Variants in GAREM2 observed in about 807,000 individuals in gnomAD.
The protein encoded by GAREM2 is GRB2 associated regulator of MAPK1 subtype 2, also known as GRB2-associated and regulator of MAPK protein 2.
In GAREM2, 30 loss-of-function variants were observed where a neutral mutation model predicts 55.6. That is an observed-to-expected ratio of 0.54 (90% CI 0.40 to 0.73). The LOEUF is 0.73. Among genes scored for constraint, GAREM2 ranks in the 30% least tolerant of loss-of-function variants. The probability of loss-of-function intolerance (pLI) is 0.00; values close to 1 mark genes in which losing one functional copy is unlikely to be tolerated. For synonymous variants in GAREM2, 550 were observed against 569.1 expected, an observed-to-expected ratio of 0.97 and a Z score of 0.48; for missense variants, 1,075 against 1,257.7, an observed-to-expected ratio of 0.85 and a Z score of 2.20.
downstream of GAREM2, chr2:26,193,673 T>C (rs368455378): frequency 1.2e-5 from 20 of 1,614,054 alleles, no homozygotes; most frequent in African/African-American, 2.4e-4. Flanking sequence ...GCCACATGTT[T>C]CGCTACATCC....
intron 1 of GAREM2, 92 bp downstream of exon 1, chr2:26,173,424 C>G (rs1668763573): frequency 2.8e-5 from 17 of 617,240 alleles, no homozygotes; most frequent in African/African-American, 3.9e-5. Context: ...GAGGGTGCGG[C>G]ACCCGCACCC....
downstream of GAREM2, among the ~76,000 whole-genome samples, chr2:26,193,331 G>C (rs991084431): frequency 3.4e-5 from 4 of 119,326 alleles, no homozygotes; most frequent in Admixed American, 1.0e-4. Flanking sequence ...GCCTCGCCAT[G>C]TTGCCCAGGC....
rs978278530 is a variant in GAREM2, at chr2:26,184,892, C to T, written c.1044C>T (p.Cys348=). Reference sequence around the variant, plus strand: ...TGGTGCGCGACAGCGCCTCCTACTGCCGCGAGCGCTTCGACCCCGACGAGT... The same window carrying T: ...TGGTGCGCGACAGCGCCTCCTACTGTCGCGAGCGCTTCGACCCCGACGAGT... ...ERLVRDSASY[C]RERFDPDEYS... Residue 348 remains cysteine (C), a synonymous_variant, in exon 4 of 6, where the codon TGC becomes TGT. Transcript: ENST00000401533. The T allele has an allele frequency of 2.3e-5, 34 of 1,457,424 alleles. No homozygotes were observed. The African/African-American group carries it at 3.7e-4, about 16-fold the overall frequency. 90.3% of individuals were successfully genotyped at this position (1,457,424 alleles called of 1,614,324 possible).
chr2:26,187,614 G>T lies in GAREM2; in HGVS notation c.1982G>T (p.Gly661Val). 1 of 1,549,534 alleles carries T rather than the reference G, an allele frequency of 6.5e-7. No individual in the cohort carries two copies. Among genetic ancestry groups the T allele is most frequent in the Non-Finnish European group, 8.7e-7 (1 of 1,145,872 alleles). The stretch of plus-strand genomic sequence containing the variant: ...ACCTCGGGTCCTGTGGCTACCTCTG[G>T]CCCTGCGTATTCCCCAGGCCCAGCC... ...RTTSGPVATS[G>V]PAYSPGPASP... The change falls in exon 6 of 6, where the codon GGC becomes GTC. Residue 661 changes from glycine (G) to valine (V), a missense_variant. Physicochemically the swap from Gly to Val is moderately radical, Grantham distance 109. Around this residue, in one of 6 missense-constraint regions of GAREM2, gnomAD observed 515 missense variants for 501.5 expected, o/e 1.03. Coordinates refer to ENST00000401533, the MANE Select transcript of GAREM2 (RefSeq NM_001168241.2).
At chr2:26,192,394 TA>T, downstream of GAREM2, 1 of 1,605,598 alleles carries the variant, frequency 6.2e-7, no homozygotes, top group African/African-American at 1.3e-5. Context: ...ACCCTCCTGA[TA>T]GATGTAAAAG....
rs1669202165 is a variant in GAREM2 at position 26,185,167 on chromosome 2, G to A, written c.1319G>A (p.Gly440Asp). The change falls in exon 4 of 6, where the codon GGC becomes GAC. Residue 440 changes from glycine (G) to aspartate (D), a missense_variant. By Grantham distance (94) the Gly-to-Asp change is moderately conservative. Transcript: ENST00000401533. ...EELWAHQGPEGLVRPPPGLDL... is the reference protein window; with the variant it reads ...EELWAHQGPEDLVRPPPGLDL... ...TTGTGGGCGCACCAGGGGCCCGAGG[G>A]CCTCGTCCGGCCGCCCCCAGGGCTC... 6 of 1,507,046 alleles carry A rather than the reference G, an allele frequency of 4.0e-6. No individual in the cohort carries two copies. The highest frequency in any genetic ancestry group is 5.3e-6 in the Non-Finnish European group (6 of 1,135,188). 93.4% of individuals were successfully genotyped at this position (1,507,046 alleles called of 1,614,324 possible). A position where few individuals can be genotyped will look rare whatever the true frequency, so the allele number is the denominator to read the frequency against.
At position 26,185,182 on chromosome 2, in the gene GAREM2, C is replaced by T. The variant is rs1354907658; in HGVS notation, c.1334C>T (p.Pro445Leu). 6.6e-7 allele frequency: 1 copy of T among 1,510,542 alleles called. No individual in the cohort carries two copies. The highest frequency in any genetic ancestry group is 8.8e-7 in the Non-Finnish European group (1 of 1,136,776). 93.6% of individuals were successfully genotyped at this position (1,510,542 alleles called of 1,614,324 possible). ...GGGCCCGAGGGCCTCGTCCGGCCGC[C>T]CCCAGGGCTCGATCTCATCTCCTTC... The part of the protein sequence containing the change: ...HQGPEGLVRP[P>L]PGLDLISFGA... Residue 445 changes from proline (P) to leucine (L), a missense_variant, in exon 4 of 6, where the codon CCC becomes CTC. Coordinates refer to ENST00000401533, the MANE Select transcript of GAREM2 (RefSeq NM_001168241.2).
chr2:26,191,068 G>A (rs1013194171), downstream of GAREM2: 5 of 670,242 alleles, frequency 7.5e-6, no homozygotes, highest in African/African-American at 5.3e-5. Context: ...AAACTAATTC[G>A]AAGTCACACT....
intron 2 of GAREM2, among the ~76,000 whole-genome samples, chr2:26,178,418 C>A (rs1331315664): frequency 1.3e-5 from 2 of 151,940 alleles, no homozygotes; most frequent in African/African-American, 4.8e-5. Context: ...CAACCCCCCC[C>A]CCCAACAACA....
chr2:26,173,651 C>T (rs1041932761), intron 1 of GAREM2, among the ~76,000 whole-genome samples: 1 of 151,908 alleles, frequency 6.6e-6, no homozygotes, highest in Non-Finnish European at 1.5e-5. Context: ...CCCCCGCTGC[C>T]CCTGGGCCCC....
chr2:26,183,269 C>T (rs1016708921), intron 3 of GAREM2, among the ~76,000 whole-genome samples, 172 bp downstream of exon 3: 5 of 152,184 alleles, frequency 3.3e-5, no homozygotes, highest in African/African-American at 1.2e-4. Context: ...GGGAATAGGA[C>T]CCACTGGGCT....
the GAREM2 span, among the ~76,000 whole-genome samples, chr2:26,196,097 A>G: frequency 6.6e-6 from 1 of 152,232 alleles, no homozygotes; most frequent in Non-Finnish European, 1.5e-5. Flanking sequence ...TTTACCACTT[A>G]TTCCTTACAT....
chr2:26,184,197 C>A, intron 3 of GAREM2, 36 bp from the exon 4 acceptor site: 1 of 1,543,882 alleles, frequency 6.5e-7, no homozygotes, highest in South Asian at 1.2e-5. Context: ...TCCCTGGGAC[C>A]TGGCTAAGGC....
At chr2:26,175,908 G>A (rs1356281385) in intron 1 of GAREM2, among the ~76,000 whole-genome samples, 1 of 152,154 alleles carries the variant, frequency 6.6e-6, no homozygotes, top group Non-Finnish European at 1.5e-5. Flanking sequence ...CACACCCCCA[G>A]CTGGAGCCTA....
chr2:26,192,718 G>A (rs1669545417), downstream of GAREM2, among the ~76,000 whole-genome samples: 3 of 152,002 alleles, frequency 2.0e-5, no homozygotes, highest in African/African-American at 7.3e-5. Flanking sequence ...CTGGGCAACA[G>A]TGTGAGACTC....
At chr2:26,178,193 T>C (rs1472142327) in intron 2 of GAREM2, among the ~76,000 whole-genome samples, 1 of 152,236 alleles carries the variant, frequency 6.6e-6, no homozygotes, top group Non-Finnish European at 1.5e-5. Flanking sequence ...TATCTTGGGC[T>C]TGGAGCCCAC....
chr2:26,187,430 G>A lies in GAREM2; in HGVS notation c.1798G>A (p.Gly600Arg). ...PLSGRAASLL[G>R]ADTPVKTYHS... ...GAGCGGTCGAGCCGCCTCCCTTCTGGGGGCTGACACCCCTGTTAAGACCTA... is the reference window on the plus strand; with the variant it reads ...GAGCGGTCGAGCCGCCTCCCTTCTGAGGGCTGACACCCCTGTTAAGACCTA... The change falls in exon 6 of 6, where the codon GGG becomes AGG. Residue 600 changes from glycine to arginine, a missense_variant. Around this residue, in one of 6 missense-constraint regions of GAREM2, gnomAD observed 515 missense variants for 501.5 expected, o/e 1.03. Transcript: ENST00000401533. The A allele has an allele frequency of 1.3e-6, 2 of 1,547,818 alleles. No individual in the cohort carries two copies. Among genetic ancestry groups the A allele is most frequent in the Non-Finnish European group, 1.7e-6 (2 of 1,145,226 alleles).
In GAREM2 at chr2:26,184,790, C is replaced by T. The variant is rs2147735475; in HGVS notation, c.942C>T (p.His314=). The T allele has an allele frequency of 6.7e-7, 1 of 1,499,378 alleles. No individual in the cohort carries two copies. The highest frequency in any genetic ancestry group is 8.8e-7 in the Non-Finnish European group (1 of 1,131,314). 92.9% of individuals were successfully genotyped at this position (1,499,378 alleles called of 1,614,324 possible). A position where few individuals can be genotyped will look rare whatever the true frequency, so the allele number is the denominator to read the frequency against. ...ALRREGPAPL[H]FLLLTDTPRF... ...GCCGCGAGGGCCCGGCGCCGCTGCACTTCCTGCTGCTCACGGACACGCCGC... is the reference window on the plus strand; with the variant it reads ...GCCGCGAGGGCCCGGCGCCGCTGCATTTCCTGCTGCTCACGGACACGCCGC... The change falls in exon 4 of 6, where the codon CAC becomes CAT. Residue 314 remains histidine (H), a synonymous_variant. Transcript: ENST00000401533.
Position 26,187,736 on chromosome 2 carries a change from G to A in GAREM2, c.2104G>A (p.Asp702Asn), listed in dbSNP as rs1290044338. 17 of 1,461,110 alleles carry A rather than the reference G, an allele frequency of 1.2e-5. No individual in the cohort carries two copies. Among genetic ancestry groups the A allele is most frequent in the Non-Finnish European group, 1.5e-5 (16 of 1,101,864 alleles). 90.5% of individuals were successfully genotyped at this position (1,461,110 alleles called of 1,614,324 possible). The change falls in exon 6 of 6, where the codon GAT (aspartate) becomes AAT (asparagine). Residue 702 changes from aspartate to asparagine, a missense_variant. Transcript: ENST00000401533. ...GCAGGAACCAGTCCTGGAGCCCTTC[G>A]ATCCCTTTGAGCTGGGGCAGGGCAG... ...EWQEPVLEPF[D>N]PFELGQGSSP...
Sources: allele counts gnomAD v4.1 joint callset (sites outside exome capture counted in the v4.1 genomes callset), GRCh38; gene constraint gnomAD v4.1.1; regional missense constraint gnomAD v4.1.1; transcripts MANE v1.5; gene names NCBI Gene and HGNC (gene_info 2026-07-23, HGNC 2026-07-21).